The following ANO3 variants were observed in gnomAD, a reference collection of about 807,000 sequenced individuals.
ANO3 encodes anoctamin 3.
A neutral mutation model predicts 144.8 loss-of-function variants in ANO3; 99 were observed. The ratio of observed to expected loss-of-function variants is 0.68; its 90% CI spans 0.58 to 0.81. The LOEUF (loss-of-function observed/expected upper bound fraction) is 0.81, where lower values mean the gene tolerates loss of function less well. Among genes scored for constraint, ANO3 ranks in the 30% least tolerant of loss-of-function variants. The probability of loss-of-function intolerance (pLI) is 0.00; values close to 1 mark genes in which losing one functional copy is unlikely to be tolerated. For synonymous variants in ANO3, 414 were observed against 392.6 expected (o/e 1.05, Z -0.64); for missense variants, 905 against 1,202.2 (o/e 0.75, Z 3.66).
At chr11:26,431,932 C>A (rs567248884) in intron 1 of ANO3, among the ~76,000 whole-genome samples, 1 of 152,064 alleles carries the variant, frequency 6.6e-6, no homozygotes, top group Non-Finnish European at 1.5e-5. Context: ...ATAATGAGAT[C>A]GCTGGTTTGA....
chr11:26,390,336 G>T (rs1214208195), intron 1 of ANO3, among the ~76,000 whole-genome samples: 1 of 151,870 alleles, frequency 6.6e-6, no homozygotes, highest in East Asian at 1.9e-4. Flanking sequence ...ATTGTTCCTG[G>T]TTTACTCTTC....
At chr11:26,456,524 G>T (rs1318161503) in intron 3 of ANO3, among the ~76,000 whole-genome samples, 6 of 145,074 alleles carry the variant, frequency 4.1e-5, no homozygotes, top group Non-Finnish European at 9.0e-5. Context: ...ACCACAATGA[G>T]ATATCATCTC....
At chr11:26,380,234 T>C (rs1288155054) in intron 1 of ANO3, among the ~76,000 whole-genome samples, 4 of 152,126 alleles carry the variant, frequency 2.6e-5, no homozygotes, top group Non-Finnish European at 4.4e-5. Context: ...ATGTGCTACA[T>C]AAGTGCTAGT....
chr11:26,494,608 C>T (rs1860851076), intron 4 of ANO3, among the ~76,000 whole-genome samples: 1 of 152,184 alleles, frequency 6.6e-6, no homozygotes, highest in African/African-American at 2.4e-5. Flanking sequence ...ATTCACATGG[C>T]TTCACAGTCA....
chr11:26,191,999 TTAAA>T (rs767457239), intron 1 of ANO3, among the ~76,000 whole-genome samples: 3 of 152,206 alleles, frequency 2.0e-5, no homozygotes, highest in African/African-American at 7.2e-5. Context: ...AAAATTATGA[TTAAA>T]TAAATAACCA....
intron 4 of ANO3, among the ~76,000 whole-genome samples, chr11:26,488,061 G>A (rs1166101872): frequency 6.6e-6 from 1 of 152,094 alleles, no homozygotes; most frequent in Non-Finnish European, 1.5e-5. Flanking sequence ...AGCTGCTGAG[G>A]AGGCTGAAGC....
At chr11:26,206,923 A>G (rs1427745559) in intron 1 of ANO3, among the ~76,000 whole-genome samples, 1 of 152,182 alleles carries the variant, frequency 6.6e-6, no homozygotes, top group Non-Finnish European at 1.5e-5. Context: ...CCCAACAGGG[A>G]TTAAGGGTTT....
intron 18 of ANO3, among the ~76,000 whole-genome samples, chr11:26,629,985 T>C (rs956373888): frequency 6.6e-5 from 10 of 152,302 alleles, no homozygotes; most frequent in Non-Finnish European, 1.5e-4. Flanking sequence ...GTAAAAATAG[T>C]TTGTAGATTT....
intron 4 of ANO3, among the ~76,000 whole-genome samples, chr11:26,479,869 A>G (rs1860141758): frequency 6.6e-6 from 1 of 152,196 alleles, no homozygotes; most frequent in African/African-American, 2.4e-5. Flanking sequence ...CAGTGCTTCC[A>G]CTTTCTCTTT....
chr11:26,592,855 T>C (rs1851492217), intron 14 of ANO3, among the ~76,000 whole-genome samples: 1 of 152,038 alleles, frequency 6.6e-6, no homozygotes, highest in Admixed American at 6.5e-5. Flanking sequence ...GGGCTAGACA[T>C]CCTGAGGGGA....
At chr11:26,451,951 A>G (rs1858959520) in intron 3 of ANO3, among the ~76,000 whole-genome samples, 2 of 152,136 alleles carry the variant, frequency 1.3e-5, no homozygotes. Flanking sequence ...TTCTGCAGAC[A>G]CCGCTGCTGA....
chr11:26,578,680 C>T (rs1479202023), intron 14 of ANO3, among the ~76,000 whole-genome samples: 3 of 152,086 alleles, frequency 2.0e-5, no homozygotes, highest in East Asian at 1.9e-4. Context: ...ATATTAGTCT[C>T]GATAGACCAC....
At chr11:26,492,782 T>C (rs1860762722) in intron 4 of ANO3, among the ~76,000 whole-genome samples, 1 of 152,160 alleles carries the variant, frequency 6.6e-6, no homozygotes, top group Non-Finnish European at 1.5e-5. Context: ...GTACTTAATT[T>C]TATATTGTGG....
At chr11:26,242,554 T>TC (rs1852685218) in intron 1 of ANO3, among the ~76,000 whole-genome samples, 1 of 152,226 alleles carries the variant, frequency 6.6e-6, no homozygotes, top group Non-Finnish European at 1.5e-5. Context: ...GCATTATTTA[T>TC]CATTCTGTAC....
chr11:26,455,971 G>C (rs1265934605), intron 3 of ANO3, among the ~76,000 whole-genome samples: 1 of 151,400 alleles, frequency 6.6e-6, no homozygotes, highest in Non-Finnish European at 1.5e-5. Context: ...CAAGCAATGG[G>C]GAAAGGATTC....
At chr11:26,530,000 G>A (rs920632887) in intron 7 of ANO3, among the ~76,000 whole-genome samples, 34 of 152,116 alleles carry the variant, frequency 2.2e-4, no homozygotes, top group African/African-American at 8.2e-4. Context: ...GTGTCCCTTA[G>A]CAGCTATGTA....
At chr11:26,534,435 C>G (rs1353139569) in intron 8 of ANO3, 21 bp from the exon 9 acceptor site, 1 of 1,525,002 alleles carries the variant, frequency 6.6e-7, no homozygotes, top group South Asian at 1.1e-5. Context: ...GAATATTAAA[C>G]CAATCCCCTC....
Position 26,662,316 on chromosome 11 carries a change from C to G in ANO3, c.*1872C>G, listed in dbSNP as rs950429310. 2 of 108,122 alleles carry G rather than the reference C, an allele frequency of 1.8e-5. No individual in the cohort carries two copies. The highest frequency in any genetic ancestry group is 5.3e-5 in the African/African-American group (2 of 37,928). 6.7% of individuals were successfully genotyped at this position (108,122 alleles called of 1,614,324 possible). ...AGATTCCAGAGAGGTTCTCATGCTC[C>G]CCCCCCTCCTTATTTGTAGCAATCG... On this transcript the variant is annotated 3_prime_UTR_variant, in exon 27 of 27. Transcript: ENST00000256737.
At chr11:26,579,844 A>G (rs1340665867) in intron 14 of ANO3, among the ~76,000 whole-genome samples, 1 of 152,130 alleles carries the variant, frequency 6.6e-6, no homozygotes, top group African/African-American at 2.4e-5. Context: ...TCACTTTTGA[A>G]CAGCATTATT....
Sources: allele counts gnomAD v4.1 joint callset (sites outside exome capture counted in the v4.1 genomes callset), GRCh38; gene constraint gnomAD v4.1.1; transcripts MANE v1.5; gene names NCBI Gene and HGNC (gene_info 2026-07-23, HGNC 2026-07-21).